CRPPA: variants seen among roughly 807,000 people sequenced by gnomAD.
The protein encoded by CRPPA is CDP-L-ribitol pyrophosphorylase A, also known as D-ribitol-5-phosphate cytidylyltransferase.
CRPPA carries 43 observed loss-of-function variants against 52.0 expected under a neutral mutation model. The ratio of observed to expected loss-of-function variants is 0.83; its 90% CI spans 0.65 to 1.07. The LOEUF (loss-of-function observed/expected upper bound fraction) is 1.07. Ranked by LOEUF, CRPPA falls within the 50% of genes least tolerant of loss-of-function variation. CRPPA has a pLI of 0.00. For synonymous variants in CRPPA, 250 were observed against 203.5 expected, an observed-to-expected ratio of 1.23 and a Z score of -1.94; for missense variants, 629 against 551.7, an observed-to-expected ratio of 1.14 and a Z score of -1.40.
Position 16,216,143 on chromosome 7 carries a change from T to C in CRPPA, c.1174A>G (p.Met392Val). 1 of 1,594,516 alleles carries C rather than the reference T, an allele frequency of 6.3e-7. No homozygotes were observed. The highest frequency in any genetic ancestry group is 8.6e-7 in the Non-Finnish European group (1 of 1,164,348). Residue 392 changes from methionine to valine, a missense_variant, in exon 9 of 10, where the codon ATG (methionine) becomes GTG (valine). Coordinates refer to ENST00000407010, the MANE Select transcript of CRPPA (RefSeq NM_001101426.4). ...TCCTTTGCAAATTCTCTAATCTGCA[T>C]TAGGTTTTCCATTTTCTGACTGGGA... ...VPPSQKMENL[M>V]QIREFAKEVK...
intron 2 of CRPPA, among the ~76,000 whole-genome samples, chr7:16,398,436 C>A (rs538424241): frequency 6.6e-6 from 1 of 151,622 alleles, no homozygotes; most frequent in Non-Finnish European, 1.5e-5. Flanking sequence ...TTGACGTGAC[C>A]GAGGTTTGTG....
chr7:16,209,507 G>C (rs1253469072), intron 9 of CRPPA, among the ~76,000 whole-genome samples: 1 of 152,054 alleles, frequency 6.6e-6, no homozygotes, highest in African/African-American at 2.4e-5. Flanking sequence ...CCTGACCTCA[G>C]GTGATCTGCA....
At chr7:16,246,356 C>A (rs564343373) in intron 8 of CRPPA, among the ~76,000 whole-genome samples, 45 of 152,264 alleles carry the variant, frequency 3.0e-4, no homozygotes, top group Non-Finnish European at 6.2e-4. Flanking sequence ...CTTGCTATTG[C>A]CACCACATCA....
intron 3 of CRPPA, among the ~76,000 whole-genome samples, chr7:16,370,640 C>T (rs10241936): frequency 0.92 from 139,941 of 152,226 alleles, 64,489 homozygotes; most frequent in East Asian, 1. Flanking sequence ...CAGATCTTTC[C>T]GCTGGTGGGA....
intron 9 of CRPPA, among the ~76,000 whole-genome samples, chr7:16,204,800 A>T (rs4721480): frequency 0.32 from 48,782 of 152,022 alleles, 8,111 homozygotes; most frequent in East Asian, 0.52. Context: ...ATAAGCTTTG[A>T]TAAAGCCAAG....
At chr7:16,296,297 T>C (rs1224804183) in intron 5 of CRPPA, among the ~76,000 whole-genome samples, 1 of 152,058 alleles carries the variant, frequency 6.6e-6, no homozygotes, top group Non-Finnish European at 1.5e-5. Context: ...CTACACCAAA[T>C]ACCAATGAAA....
chr7:16,143,099 CT>C (rs1431347355), intron 9 of CRPPA, among the ~76,000 whole-genome samples: 1 of 152,160 alleles, frequency 6.6e-6, no homozygotes, highest in Non-Finnish European at 1.5e-5. Flanking sequence ...AGAACAGTTC[CT>C]GGCACAGAGT....
At chr7:16,288,343 T>C (rs1478794557) in intron 5 of CRPPA, among the ~76,000 whole-genome samples, 1 of 151,878 alleles carries the variant, frequency 6.6e-6, no homozygotes, top group Admixed American at 6.6e-5. Context: ...CAACTATCAA[T>C]TAAGTCAAGC....
At chr7:16,113,902 T>A (rs1173482364) in intron 9 of CRPPA, among the ~76,000 whole-genome samples, 2 of 151,988 alleles carry the variant, frequency 1.3e-5, no homozygotes, top group African/African-American at 4.8e-5. Flanking sequence ...TTAAAAATGA[T>A]TTTAAAATAA....
intron 9 of CRPPA, among the ~76,000 whole-genome samples, chr7:16,194,426 T>C (rs1005948446): frequency 6.6e-6 from 1 of 152,142 alleles, no homozygotes; most frequent in African/African-American, 2.4e-5. Context: ...AATATCCATA[T>C]GCCTTTGTCT....
At chr7:16,153,086 G>T (rs1783107957) in intron 9 of CRPPA, among the ~76,000 whole-genome samples, 1 of 151,974 alleles carries the variant, frequency 6.6e-6, no homozygotes, top group African/African-American at 2.4e-5. Context: ...GAACCATGTT[G>T]CTCACAGCTT....
intron 9 of CRPPA, among the ~76,000 whole-genome samples, chr7:16,136,061 T>C (rs1244820439): frequency 6.6e-6 from 1 of 152,210 alleles, no homozygotes; most frequent in East Asian, 1.9e-4. Flanking sequence ...TTATTGGGAC[T>C]ACTTCTTAAC....
At chr7:16,409,903 A>G (rs1376647088) in intron 1 of CRPPA, among the ~76,000 whole-genome samples, 1 of 152,166 alleles carries the variant, frequency 6.6e-6, no homozygotes, top group Non-Finnish European at 1.5e-5. Flanking sequence ...ATTGCCTTAC[A>G]CCTAACTCTT....
At chr7:16,360,428 A>G (rs1415440277) in intron 3 of CRPPA, among the ~76,000 whole-genome samples, 1 of 152,212 alleles carries the variant, frequency 6.6e-6, no homozygotes, top group African/African-American at 2.4e-5. Flanking sequence ...TTGAAAAAGT[A>G]CAAAGTTGGA....
intron 2 of CRPPA, among the ~76,000 whole-genome samples, chr7:16,388,014 G>C (rs969361836): frequency 1.3e-5 from 2 of 152,170 alleles, no homozygotes; most frequent in East Asian, 1.9e-4. Context: ...GCAAGGTCTT[G>C]CTCTGTCCCC....
chr7:16,315,677 C>A (rs1785129741), intron 3 of CRPPA, among the ~76,000 whole-genome samples: 1 of 152,100 alleles, frequency 6.6e-6, no homozygotes, highest in South Asian at 2.1e-4. Context: ...TCTCCAGTAC[C>A]CATTTTAAGA....
chr7:16,105,142 A>T (rs1782126077), intron 9 of CRPPA, among the ~76,000 whole-genome samples: 1 of 151,356 alleles, frequency 6.6e-6, no homozygotes, highest in South Asian at 2.1e-4. Flanking sequence ...GGTCAGCAAG[A>T]TGGCAAAATG....
At chr7:16,254,845 GAGA>G (rs1783588327) in intron 8 of CRPPA, among the ~76,000 whole-genome samples, 3 of 142,558 alleles carry the variant, frequency 2.1e-5, no homozygotes, top group Non-Finnish European at 4.6e-5. Flanking sequence ...AAGAAAGAAA[GAGA>G]AAGAAGAAAG....
At chr7:16,307,403 C>G (rs1353304843) in intron 4 of CRPPA, among the ~76,000 whole-genome samples, 1 of 151,974 alleles carries the variant, frequency 6.6e-6, no homozygotes, top group Admixed American at 6.6e-5. Flanking sequence ...GAGGTTAGGC[C>G]AGGTGTGGTG....
Sources: gnomAD v4.1 joint callset for allele counts (sites outside exome capture counted in the v4.1 genomes callset) on GRCh38, gnomAD v4.1.1 for gene constraint, MANE v1.5 for transcripts, NCBI Gene and HGNC (gene_info 2026-07-23, HGNC 2026-07-21) for gene names.